Variants in RICTOR observed in about 807,000 individuals in gnomAD.
RICTOR encodes RPTOR independent companion of MTOR complex 2, also known as rapamycin-insensitive companion of mTOR.
RICTOR carries 49 observed loss-of-function variants against 214.9 expected under a neutral mutation model. That is an observed-to-expected ratio of 0.23 (90% confidence interval 0.18 to 0.29). RICTOR has a LOEUF of 0.29. RICTOR is among the 10% of genes least tolerant of loss of function. The pLI is 1.00. For synonymous variants in RICTOR, 717 were observed against 711.3 expected (o/e 1.01, Z -0.13); for missense variants, 1,625 against 2,047.0 (o/e 0.79, Z 3.98).
In RICTOR at chr5:38,959,951, C is replaced by G. The variant is rs1749643300; in HGVS notation, c.1879G>C (p.Val627Leu). The G allele has an allele frequency of 6.2e-7, 1 of 1,611,388 alleles. No homozygotes were observed. The highest frequency in any genetic ancestry group is 8.5e-7 in the Non-Finnish European group (1 of 1,177,902). The stretch of plus-strand genomic sequence containing the variant: ...TTGAGCCACTGAACAATATCCTTTA[C>G]TAGATCTTCTAAGTAGCCTTGCCCA... Reference protein sequence around the residue: ...EDGQGYLEDLVKDIVQWLNAS... With the variant: ...EDGQGYLEDLLKDIVQWLNAS... The change falls in exon 21 of 38, where the codon GTA (valine) becomes CTA (leucine). Residue 627 changes from valine to leucine, a missense_variant. By Grantham distance (32) the Val-to-Leu change is conservative. Coordinates refer to ENST00000357387, the MANE Select transcript of RICTOR (RefSeq NM_152756.5).
chr5:38,945,285 C>T, intron 34 of RICTOR: 2 of 607,478 alleles, frequency 3.3e-6, no homozygotes, highest in Non-Finnish European at 5.8e-6. Context: ...AGACCTAATC[C>T]AGGGATCTGT....
At chr5:38,956,151 C>T (rs1749245196) in intron 25 of RICTOR, among the ~76,000 whole-genome samples, 2 of 152,012 alleles carry the variant, frequency 1.3e-5, no homozygotes, top group African/African-American at 2.4e-5. Flanking sequence ...GAAAATGCGT[C>T]CTCATCTAAT....
chr5:38,952,735 G>GT (rs1748902466), intron 29 of RICTOR, among the ~76,000 whole-genome samples: 1 of 151,878 alleles, frequency 6.6e-6, no homozygotes, highest in African/African-American at 2.4e-5. Context: ...GAATACTGGA[G>GT]TATCTGTACA....
intron 9 of RICTOR, among the ~76,000 whole-genome samples, 187 bp downstream of exon 9, chr5:38,978,396 A>G (rs1172283467): frequency 1.3e-5 from 2 of 152,158 alleles, no homozygotes; most frequent in African/African-American, 2.4e-5. Flanking sequence ...ATTAATCTTT[A>G]AATTTCTCAA....
chr5:38,945,141 A>G, intron 34 of RICTOR, 73 bp from the exon 35 acceptor site: 2 of 1,042,090 alleles, frequency 1.9e-6, no homozygotes, highest in Non-Finnish European at 2.8e-6. Context: ...TGCATGCTAA[A>G]AAGAAATAAT....
At chr5:39,051,050 CACACACACACACACGCACCT>C (rs1372832362) in intron 2 of RICTOR, among the ~76,000 whole-genome samples, 27 of 120,462 alleles carry the variant, frequency 2.2e-4, no homozygotes, top group Admixed American at 2.1e-3. Flanking sequence ...TATACACACA[CACACACACACACACGCACCT>C]ACACACACAC....
At chr5:38,966,764 ATATGAAAACATT>A in intron 14 of RICTOR, 43 bp from the exon 15 acceptor site, 2 of 1,042,306 alleles carry the variant, frequency 1.9e-6, no homozygotes, top group Non-Finnish European at 2.9e-6. Flanking sequence ...AAAATAATAC[ATATGAAAACATT>A]TATGCATCAG....
At chr5:39,052,209 C>CA (rs61204150) in intron 2 of RICTOR, among the ~76,000 whole-genome samples, 2 of 151,864 alleles carry the variant, frequency 1.3e-5, no homozygotes, top group African/African-American at 4.8e-5. Context: ...TCCATCTCTA[C>CA]AAAAAAAAAT....
intron 6 of RICTOR, among the ~76,000 whole-genome samples, chr5:38,995,572 T>C: frequency 6.6e-6 from 1 of 152,170 alleles, no homozygotes; most frequent in Middle Eastern, 3.4e-3. Context: ...AAAAATAAAA[T>C]AAAATAAAAT....
chr5:38,962,039 T>C (rs1357459077), intron 19 of RICTOR, among the ~76,000 whole-genome samples: 1 of 152,078 alleles, frequency 6.6e-6, no homozygotes, highest in Non-Finnish European at 1.5e-5. Flanking sequence ...AGACCCACTA[T>C]ACAATTGATA....
intron 16 of RICTOR, 26 bp downstream of exon 16, chr5:38,964,766 A>G (rs761592001): frequency 8.3e-7 from 1 of 1,211,052 alleles, no homozygotes; most frequent in Non-Finnish European, 1.2e-6. Flanking sequence ...ATCAAACAAA[A>G]GCTTTGCTAA....
At chr5:39,025,408 A>G (rs1471628737) in intron 2 of RICTOR, among the ~76,000 whole-genome samples, 1 of 152,196 alleles carries the variant, frequency 6.6e-6, no homozygotes, top group African/African-American at 2.4e-5. Context: ...CATTTTCTGT[A>G]ACTATTTTGA....
At chr5:38,943,105 A>G in intron 36 of RICTOR, 134 bp from the exon 37 acceptor site, 1 of 533,190 alleles carries the variant, frequency 1.9e-6, no homozygotes, top group Non-Finnish European at 3.3e-6. Context: ...TGATGACTTG[A>G]GAATATAAAA....
chr5:38,944,879 CTAA>C (rs771171635), intron 35 of RICTOR, 31 bp downstream of exon 35: 1 of 1,592,716 alleles, frequency 6.3e-7, no homozygotes, highest in Admixed American at 1.7e-5. Context: ...AACAGTTTTA[CTAA>C]TAATGATTGG....
At chr5:38,955,119 T>G (rs1749146233) in intron 26 of RICTOR, among the ~76,000 whole-genome samples, 1 of 151,986 alleles carries the variant, frequency 6.6e-6, no homozygotes, top group Non-Finnish European at 1.5e-5. Context: ...CATTAGTATT[T>G]AATGCAAACT....
chr5:38,978,901 T>C (rs1032909318), intron 8 of RICTOR, among the ~76,000 whole-genome samples: 5 of 152,138 alleles, frequency 3.3e-5, no homozygotes, highest in African/African-American at 1.2e-4. Context: ...AGCACACTCA[T>C]GTAACTAGCA....
At position 38,949,460 on chromosome 5, in the gene RICTOR, T is replaced by C. The variant is rs369082549; in HGVS notation, c.4136+252A>G. 20 of 1,541,392 alleles carry C rather than the reference T, an allele frequency of 1.3e-5. No individual in the cohort carries two copies. In the African/African-American group the frequency reaches 2.5e-4, roughly 19 times the overall value. ...AAGCGAGAAATAAATAAAAAAAAGC[T>C]TGTGACTTGTATGTCCTTTGCAAAG... On this transcript the variant is annotated intron_variant, in intron 31 of 37. Coordinates refer to ENST00000357387, the MANE Select transcript of RICTOR (RefSeq NM_152756.5).
At chr5:39,054,053 G>C (rs1295834419) in intron 2 of RICTOR, among the ~76,000 whole-genome samples, 1 of 152,142 alleles carries the variant, frequency 6.6e-6, no homozygotes, top group Non-Finnish European at 1.5e-5. Flanking sequence ...CTGCGCTCCA[G>C]CCTGGGCTAC....
rs1324866802 is a variant in RICTOR at position 38,938,206 on chromosome 5, C to T, written c.*4098G>A. 4.5e-6 allele frequency: 1 copy of T among 223,028 alleles called. No homozygotes were observed. The highest frequency in any genetic ancestry group is 9.0e-6 in the Non-Finnish European group (1 of 111,596). The allele number at this position is 223,028 out of a possible 1,614,324, so 13.8% of individuals were successfully genotyped here. ...TGTCTGTTCAGTGACCTACAAACAC[C>T]AGAACCTCCAAATATGTAGCAGCGT... On this transcript the variant is annotated 3_prime_UTR_variant, in exon 38 of 38. Transcript: ENST00000357387.
Sources: gnomAD v4.1 joint callset for allele counts (sites outside exome capture counted in the v4.1 genomes callset) on GRCh38, gnomAD v4.1.1 for gene constraint, MANE v1.5 for transcripts, NCBI Gene and HGNC (gene_info 2026-07-23, HGNC 2026-07-21) for gene names.